The following QRSL1 variants were observed in gnomAD, a reference collection of about 807,000 sequenced individuals.
The protein encoded by QRSL1 is glutaminyl-tRNA amidotransferase subunit QRSL1.
Under a neutral mutation model 61.6 loss-of-function variants are expected in QRSL1, and 54 were observed. That is an observed-to-expected ratio of 0.88 (90% confidence interval 0.70 to 1.10). QRSL1 has a LOEUF of 1.10. Ranked by LOEUF, QRSL1 falls within the 50% of genes least tolerant of loss-of-function variation. QRSL1 has a pLI of 0.00. For synonymous variants in QRSL1, 228 were observed against 225.7 expected, an observed-to-expected ratio of 1.01 and a Z score of -0.09; for missense variants, 505 against 622.6, an observed-to-expected ratio of 0.81 and a Z score of 2.01.
chr6:106,636,964 C>A (rs1215012063), intron 1 of QRSL1, among the ~76,000 whole-genome samples: 1 of 152,156 alleles, frequency 6.6e-6, no homozygotes, highest in Admixed American at 6.5e-5. Context: ...ATCTCAGGAT[C>A]TCACAGTTTT....
rs768184246 is a variant in QRSL1, at chr6:106,652,236, G to A, written c.585G>A (p.Ser195=). ...YAALGSDTGG[S]TRNPAAHCGL... Reference sequence around the variant, plus strand: ...CTTTAGGATCAGATACAGGAGGATCGACCAGAAATCCTGCTGCCCACTGTG... The same window carrying A: ...CTTTAGGATCAGATACAGGAGGATCAACCAGAAATCCTGCTGCCCACTGTG... Residue 195 remains serine, a synonymous_variant, in exon 6 of 11, where the codon TCG becomes TCA. Coordinates refer to ENST00000369046, the MANE Select transcript of QRSL1 (RefSeq NM_018292.5). 27 of 1,613,852 alleles carry A rather than the reference G, an allele frequency of 1.7e-5. No homozygotes were observed. Among genetic ancestry groups the A allele is most frequent in the Admixed American group, 6.7e-5 (4 of 59,984 alleles).
chr6:106,649,223 G>T (rs755696374), intron 5 of QRSL1, 22 bp downstream of exon 5: 1 of 1,603,234 alleles, frequency 6.2e-7, no homozygotes, highest in Non-Finnish European at 8.5e-7. Flanking sequence ...TTCTCTATCT[G>T]TATTTTAAAA....
intron 10 of QRSL1, among the ~76,000 whole-genome samples, chr6:106,664,395 G>C (rs995823017): frequency 6.6e-6 from 1 of 152,162 alleles, no homozygotes; most frequent in Admixed American, 6.5e-5. Context: ...GAAGTACCAA[G>C]ATTCTTTATT....
chr6:106,648,644 T>C (rs1424228861), intron 4 of QRSL1, among the ~76,000 whole-genome samples: 1 of 152,236 alleles, frequency 6.6e-6, no homozygotes. Flanking sequence ...TTTAAGTTAT[T>C]AGCATTCCAC....
rs546450017 is a variant in QRSL1 at position 106,666,293 on chromosome 6, G to C, written c.*291G>C. Reference sequence around the variant, plus strand: ...TGCCACTGCACTGCACTCCAGCCTGGGTGACAAAGCAAGACTGTGTCTCAA... The same window carrying C: ...TGCCACTGCACTGCACTCCAGCCTGCGTGACAAAGCAAGACTGTGTCTCAA... On this transcript the variant is annotated 3_prime_UTR_variant, in exon 11 of 11. Transcript: ENST00000369046. 17 of 351,926 alleles carry C rather than the reference G, an allele frequency of 4.8e-5. No homozygotes were observed. In the East Asian group the frequency reaches 1.1e-3, roughly 23 times the overall value. 21.8% of individuals were successfully genotyped at this position (351,926 alleles called of 1,614,324 possible). A position where few individuals can be genotyped will look rare whatever the true frequency, so the allele number is the denominator to read the frequency against.
intron 7 of QRSL1, chr6:106,652,844 A>T: frequency 8.1e-7 from 1 of 1,236,882 alleles, no homozygotes; most frequent in Non-Finnish European, 1.1e-6. Flanking sequence ...AATGGGCAAG[A>T]TAGCAAATAT....
intron 9 of QRSL1, among the ~76,000 whole-genome samples, chr6:106,658,748 T>G (rs1777309769): frequency 6.6e-6 from 1 of 152,234 alleles, no homozygotes; most frequent in African/African-American, 2.4e-5. Flanking sequence ...GACTGTGATG[T>G]GCCTTGGTGT....
At chr6:106,640,019 C>T (rs1776992291) in intron 1 of QRSL1, 1 of 198,934 alleles carries the variant, frequency 5.0e-6, no homozygotes, top group Non-Finnish European at 1.0e-5. Context: ...AGAATCTGCC[C>T]TCAGCCATCC....
rs1450923041 is a variant in QRSL1, at chr6:106,661,281, A to AT, written c.1161-1692dup. Among the ~76,000 whole-genome samples, 9 of 151,368 alleles carry AT rather than the reference A, an allele frequency of 5.9e-5. No homozygotes were observed. In the East Asian group the frequency reaches 1.8e-3, roughly 30 times the overall value. On this transcript the variant is annotated intron_variant, in intron 9 of 10. Transcript: ENST00000369046. ...GGCGCCCACCACCATGCCCGGCTAA[A>AT]TTTTTTTGTATTTTTAGTAGAGTCA...
chr6:106,643,322 A>G (rs904083609), intron 4 of QRSL1, among the ~76,000 whole-genome samples: 3 of 152,186 alleles, frequency 2.0e-5, no homozygotes, highest in Admixed American at 6.5e-5. Context: ...TGCCATCCCT[A>G]TGTCTTCATC....
chr6:106,641,976 T>A (rs975388243), intron 3 of QRSL1, among the ~76,000 whole-genome samples: 7 of 152,228 alleles, frequency 4.6e-5, no homozygotes, highest in African/African-American at 1.7e-4. Context: ...GTACAACTGA[T>A]TATTTAAATT....
rs1225321299 is a variant in QRSL1 at position 106,665,919 on chromosome 6, G to A, written c.1504G>A (p.Val502Ile). ...GTTTGAAAAACAAGTACAGTTTCCT[G>A]TTATTCAACTTCAAGAACTCATGGA... ...KWFEKQVQFP[V>I]IQLQELMDDC... Residue 502 changes from valine to isoleucine, a missense_variant, in exon 11 of 11, where the codon GTT becomes ATT. Val to Ile is a conservative substitution (Grantham distance 29). Transcript: ENST00000369046. The A allele has an allele frequency of 1.2e-6, 2 of 1,613,868 alleles. No individual in the cohort carries two copies. The highest frequency in any genetic ancestry group is 1.3e-5 in the African/African-American group (1 of 74,916).
chr6:106,651,669 A>G (rs1263795618), intron 5 of QRSL1, among the ~76,000 whole-genome samples: 7 of 152,166 alleles, frequency 4.6e-5, no homozygotes, highest in Non-Finnish European at 1.0e-4. Flanking sequence ...ATGATTCTAA[A>G]TGGGGTGGGT....
At chr6:106,631,231 AT>A (rs1776824349) in intron 1 of QRSL1, among the ~76,000 whole-genome samples, 1 of 152,236 alleles carries the variant, frequency 6.6e-6, no homozygotes, top group African/African-American at 2.4e-5. Context: ...GTCTCAAAAA[AT>A]AAATAAATAA....
Position 106,666,270 on chromosome 6 carries a change from C to CCACTG in QRSL1, c.*278_*282dup. The CCACTG allele has an allele frequency of 2.4e-6, 1 of 422,064 alleles. No individual in the cohort carries two copies. Among genetic ancestry groups the CCACTG allele is most frequent in the Non-Finnish European group, 4.4e-6 (1 of 227,704 alleles). 26.1% of individuals were successfully genotyped at this position (422,064 alleles called of 1,614,324 possible). On this transcript the variant is annotated 3_prime_UTR_variant, in exon 11 of 11. Coordinates refer to ENST00000369046, the MANE Select transcript of QRSL1 (RefSeq NM_018292.5). ...GAGGTTGCAGTGAGCCGAGATCATG[C>CCACTG]CACTGCACTGCACTCCAGCCTGGGT...
chr6:106,648,956 A>T, intron 4 of QRSL1, 69 bp from the exon 5 acceptor site: 1 of 1,489,940 alleles, frequency 6.7e-7, no homozygotes, highest in Non-Finnish European at 9.1e-7. Flanking sequence ...CAAATAATAT[A>T]CTCAGAAGAT....
chr6:106,665,695 T>G, intron 10 of QRSL1, 87 bp from the exon 11 acceptor site: 1 of 1,111,596 alleles, frequency 9.0e-7, no homozygotes, highest in East Asian at 2.4e-5. Flanking sequence ...TATCCTGTAT[T>G]GTACTTATTA....
intron 9 of QRSL1, among the ~76,000 whole-genome samples, chr6:106,661,816 A>G (rs1052785224): frequency 7.0e-6 from 1 of 142,926 alleles, no homozygotes; most frequent in Non-Finnish European, 1.5e-5. Flanking sequence ...GGTTCAAGCA[A>G]TGCTCCTGCC....
In QRSL1 at chr6:106,654,932, C is replaced by T; in HGVS notation, c.1042+10C>T. 1 of 1,545,002 alleles carries T rather than the reference C, an allele frequency of 6.5e-7. No individual in the cohort carries two copies. The highest frequency in any genetic ancestry group is 8.7e-7 in the Non-Finnish European group (1 of 1,147,150). ...GATGGGCTACAATATGGTAAGATGG[C>T]TGGGTTATTTTATTTTTAAGGTAGT... On this transcript the variant is annotated intron_variant, in intron 8 of 10. Coordinates refer to ENST00000369046, the MANE Select transcript of QRSL1 (RefSeq NM_018292.5).
Sources: gnomAD v4.1 joint callset for allele counts (sites outside exome capture counted in the v4.1 genomes callset) on GRCh38, gnomAD v4.1.1 for gene constraint, MANE v1.5 for transcripts, NCBI Gene and HGNC (gene_info 2026-07-23, HGNC 2026-07-21) for gene names.